The following POGZ variants were observed in gnomAD, a reference collection of about 807,000 sequenced individuals.
POGZ encodes the protein pogo transposable element with ZNF domain.
Under a neutral mutation model 134.6 loss-of-function variants are expected in POGZ, and 17 were observed. The ratio of observed to expected loss-of-function variants is 0.13; its 90% CI spans 0.09 to 0.19. POGZ has a LOEUF of 0.19. Ranked by LOEUF, POGZ falls within the 10% of genes least tolerant of loss-of-function variation. POGZ has a pLI of 1.00. For synonymous variants in POGZ, 693 were observed against 657.1 expected (o/e 1.05, Z -0.84); for missense variants, 1,306 against 1,769.7 (o/e 0.74, Z 4.70).
intron 10 of POGZ, among the ~76,000 whole-genome samples, chr1:151,418,401 G>A (rs2864121): frequency 0.82 from 124,480 of 151,962 alleles, 51,191 homozygotes; most frequent in Non-Finnish European, 0.83. Flanking sequence ...AGATCTCATG[G>A]AGAGAGAGTA....
At chr1:151,442,496 G>A in intron 1 of POGZ, 1 of 212,090 alleles carries the variant, frequency 4.7e-6, no homozygotes. Context: ...GATCACCTGA[G>A]GTTGGGAGTT....
At chr1:151,433,016 A>G (rs111767620) in intron 3 of POGZ, among the ~76,000 whole-genome samples, 2,516 of 152,314 alleles carry the variant, frequency 0.017, 84 homozygotes, top group African/African-American at 0.057. Context: ...GCAAAAGTCT[A>G]TATTTTTTAG....
At chr1:151,457,251 A>G (rs1662884879) in intron 1 of POGZ, among the ~76,000 whole-genome samples, 1 of 152,212 alleles carries the variant, frequency 6.6e-6, no homozygotes, top group South Asian at 2.1e-4. Context: ...CAGCTCTGGA[A>G]AAGGGAAGGA....
intron 3 of POGZ, among the ~76,000 whole-genome samples, chr1:151,434,832 T>C (rs188706117): frequency 6.6e-6 from 1 of 152,212 alleles, no homozygotes; most frequent in African/African-American, 2.4e-5. Context: ...TCTGCCCACC[T>C]TGCACATAAA....
intron 1 of POGZ, among the ~76,000 whole-genome samples, chr1:151,447,579 GTAACTC>G (rs1310216543): frequency 6.7e-6 from 1 of 149,082 alleles, no homozygotes; most frequent in Non-Finnish European, 1.5e-5. Context: ...AACCTCTTGA[GTAACTC>G]TTGGGACAAA....
In POGZ at chr1:151,406,067, C is replaced by G. The variant is rs1186454948; in HGVS notation, c.2968G>C (p.Glu990Gln). The G allele has an allele frequency of 1.2e-6, 2 of 1,614,208 alleles. No individual in the cohort carries two copies. The highest frequency in any genetic ancestry group is 1.7e-5 in the Admixed American group (1 of 60,022). Reference protein sequence around the residue: ...VVLFALCCNTEQAAEHFRNPQ... With the variant: ...VVLFALCCNTQQAAEHFRNPQ... ...TTTCGGAAGTGTTCAGCTGCCTGTT[C>G]TGTATTGCAGCATAGAGCAAACAGT... The change falls in exon 19 of 19, where the codon GAA becomes CAA. Residue 990 changes from glutamate to glutamine, a missense_variant. Transcript: ENST00000271715.
At chr1:151,410,149 C>T (rs1221792411) in intron 12 of POGZ, among the ~76,000 whole-genome samples, 1 of 152,172 alleles carries the variant, frequency 6.6e-6, no homozygotes, top group African/African-American at 2.4e-5. Context: ...TAGTGGCTCT[C>T]TTCTTGTAGT....
rs59593149 is a variant in POGZ at position 151,419,668 on chromosome 1, CAA to C, written c.1678+3727_1678+3728del. On this transcript the variant is annotated intron_variant, in intron 10 of 18. Transcript: ENST00000271715. ...TGGCTAACAGAGTGAGACCCTGTCT[CAA>C]AAAAAAAAAAAAAAAAAAAAAAAAA... Among the ~76,000 whole-genome samples the C allele has an allele frequency of 4.8e-4, 21 of 43,656 alleles. No homozygotes were observed. The East Asian group carries it at 0.011, about 22-fold the overall frequency. The allele number at this position is 43,656 out of a possible 152,430, so 28.6% of individuals were successfully genotyped here.
Position 151,417,548 on chromosome 1 carries a change from G to A in POGZ, c.1679-5152C>T, listed in dbSNP as rs148244200. Among the ~76,000 whole-genome samples the A allele has an allele frequency of 7.3e-3, 1,109 of 151,896 alleles. 13 individuals carry two copies. The highest frequency in any genetic ancestry group is 0.025 in the African/African-American group (1,038 of 41,428). Reference sequence around the variant, plus strand: ...ACTAATTTTTTGTATTTTTAGTACAGACAGGGTTTCACCACGTTGGCCAGG... The same window carrying A: ...ACTAATTTTTTGTATTTTTAGTACAAACAGGGTTTCACCACGTTGGCCAGG... On this transcript the variant is annotated intron_variant, in intron 10 of 18. Transcript: ENST00000271715.
intron 1 of POGZ, among the ~76,000 whole-genome samples, chr1:151,453,240 C>T (rs548188460): frequency 2.0e-4 from 31 of 151,938 alleles, no homozygotes; most frequent in African/African-American, 4.8e-4. Flanking sequence ...TTTTCGCATG[C>T]GTGAAATTTT....
In POGZ at chr1:151,427,513, C is replaced by G. The variant is rs912164613; in HGVS notation, c.1078+310G>C. The G allele has an allele frequency of 1.2e-5, 4 of 320,572 alleles. No individual in the cohort carries two copies. The South Asian group carries it at 1.3e-4, about 10-fold the overall frequency. 19.9% of individuals were successfully genotyped at this position (320,572 alleles called of 1,614,324 possible). ...ATTCTCAACCTGAAGATCTCTCTAC[C>G]AAATCCTAACTTTAAAACCTTGCTC... On this transcript the variant is annotated intron_variant, in intron 7 of 18. Coordinates refer to ENST00000271715, the MANE Select transcript of POGZ (RefSeq NM_015100.4).
At chr1:151,417,699 C>T (rs1454286448) in intron 10 of POGZ, among the ~76,000 whole-genome samples, 1 of 127,892 alleles carries the variant, frequency 7.8e-6, no homozygotes, top group Non-Finnish European at 1.5e-5. Flanking sequence ...CACACACACA[C>T]ACACACACAC....
At chr1:151,433,606 CAAAAAAAAAAAAA>C (rs57509550) in intron 3 of POGZ, among the ~76,000 whole-genome samples, 2 of 81,730 alleles carry the variant, frequency 2.4e-5, no homozygotes, top group African/African-American at 4.8e-5. Context: ...AATTCCGTCT[CAAAAAAAAAAAAA>C]AAAAAAAAAG....
chr1:151,443,311 CGTCTAG>C (rs1660816472), intron 1 of POGZ, among the ~76,000 whole-genome samples: 1 of 152,150 alleles, frequency 6.6e-6, no homozygotes, highest in African/African-American at 2.4e-5. Context: ...CTACCTTGTA[CGTCTAG>C]TCTAGGAAAT....
rs901708834 is a variant in POGZ, at chr1:151,403,808, A to T, written c.*994T>A. 2.0e-6 allele frequency: 2 copies of T among 985,514 alleles called. No homozygotes were observed. Among genetic ancestry groups the T allele is most frequent in the East Asian group, 1.1e-4 (1 of 8,824 alleles). 61.0% of individuals were successfully genotyped at this position (985,514 alleles called of 1,614,324 possible). On this transcript the variant is annotated 3_prime_UTR_variant, in exon 19 of 19. Coordinates refer to ENST00000271715, the MANE Select transcript of POGZ (RefSeq NM_015100.4). The stretch of plus-strand genomic sequence containing the variant: ...CTGGCTGTAGGACCAGTAATCCCTT[A>T]AACAGGCATGCTCTCCATCTAACAG...
chr1:151,458,125 T>A (rs1662990325), intron 1 of POGZ, among the ~76,000 whole-genome samples: 1 of 151,940 alleles, frequency 6.6e-6, no homozygotes, highest in African/African-American at 2.4e-5. Flanking sequence ...CAGCACTACC[T>A]TTTTCTGAAC....
At position 151,441,647 on chromosome 1, in the gene POGZ, G is replaced by T. The variant is rs552059200; in HGVS notation, c.124+434C>A. 8.5e-5 allele frequency among the ~76,000 whole-genome samples: 13 copies of T among 152,158 alleles called. No homozygotes were observed. In the South Asian group the frequency reaches 2.5e-3, roughly 29 times the overall value. On this transcript the variant is annotated intron_variant, in intron 2 of 18. Transcript: ENST00000271715. Reference sequence around the variant, plus strand: ...CCTAAATTTGTAAACTGTCCATGAAGGCAGACACAAGGCAATTTCTACTCC... The same window carrying T: ...CCTAAATTTGTAAACTGTCCATGAATGCAGACACAAGGCAATTTCTACTCC...
At chr1:151,430,085 C>T (rs779141698) in intron 4 of POGZ, among the ~76,000 whole-genome samples, 4 of 152,066 alleles carry the variant, frequency 2.6e-5, no homozygotes, top group Non-Finnish European at 4.4e-5. Context: ...AACATACAAA[C>T]AATCCTAAAA....
At position 151,405,999 on chromosome 1, in the gene POGZ, G is replaced by A. The variant is rs754909457; in HGVS notation, c.3036C>T (p.Ala1012=). Residue 1012 remains alanine, a synonymous_variant, in exon 19 of 19, where the codon GCC becomes GCT. Transcript: ENST00000271715. This position sits in a 1 kb window ranked among gnomAD's most constrained non-coding sequence, Gnocchi z 4.9. ...TGCCCTCTAGATTCTCCCCCTGGGA[G>A]GCCTGGAAACGTCGAAGCCAACGGC... ...RIRRWLRRFQ[A]SQGENLEGKY... The A allele has an allele frequency of 3.1e-6, 5 of 1,614,126 alleles. No individual in the cohort carries two copies. The highest frequency in any genetic ancestry group is 1.7e-5 in the Admixed American group (1 of 60,004).
Sources: gnomAD v4.1 joint callset for allele counts (sites outside exome capture counted in the v4.1 genomes callset) on GRCh38, gnomAD v4.1.1 for gene constraint, Gnocchi (gnomAD v3.1) non-coding constraint, MANE v1.5 for transcripts, NCBI Gene and HGNC (gene_info 2026-07-23, HGNC 2026-07-21) for gene names.